The following ZBTB2 variants were observed in gnomAD, a reference collection of about 807,000 sequenced individuals.
ZBTB2 encodes the protein zinc finger and BTB domain containing 2, also known as zinc finger and BTB domain-containing protein 2.
A neutral mutation model predicts 39.5 loss-of-function variants in ZBTB2; 2 were observed. The ratio of observed to expected loss-of-function variants is 0.05; its 90% CI spans 0.02 to 0.16. The LOEUF (loss-of-function observed/expected upper bound fraction) is 0.16, where lower values mean the gene tolerates loss of function less well. ZBTB2 is among the 10% of genes least tolerant of loss of function. ZBTB2 has a pLI of 1.00. For synonymous variants in ZBTB2, 251 were observed against 256.6 expected, an observed-to-expected ratio of 0.98 and a Z score of 0.21; for missense variants, 391 against 653.0, an observed-to-expected ratio of 0.60 and a Z score of 4.37.
At chr6:151,374,655 C>T (rs1188421789) in intron 1 of ZBTB2, among the ~76,000 whole-genome samples, 2 of 151,712 alleles carry the variant, frequency 1.3e-5, no homozygotes, top group African/African-American at 4.8e-5. Context: ...TGTCCCCTCT[C>T]GATATTCAAC....
chr6:151,385,670 T>C (rs1232320184), intron 1 of ZBTB2, among the ~76,000 whole-genome samples: 4 of 152,202 alleles, frequency 2.6e-5, no homozygotes, highest in Non-Finnish European at 5.9e-5. Flanking sequence ...TAAATGAATA[T>C]TGTAATTCAA....
intron 2 of ZBTB2, among the ~76,000 whole-genome samples, chr6:151,371,934 G>A (rs541672078): frequency 3.4e-4 from 52 of 152,288 alleles, no homozygotes; most frequent in South Asian, 8.3e-4. Context: ...GAGGAACTTC[G>A]GAGAAGGCCT....
At chr6:151,377,623 C>T (rs1778943615) in intron 1 of ZBTB2, among the ~76,000 whole-genome samples, 1 of 147,146 alleles carries the variant, frequency 6.8e-6, no homozygotes, top group Admixed American at 6.7e-5. Flanking sequence ...ACACTGACAC[C>T]TCCGTTGCTG....
chr6:151,390,216 G>A (rs1483615826), intron 1 of ZBTB2, among the ~76,000 whole-genome samples: 1 of 151,596 alleles, frequency 6.6e-6, no homozygotes, highest in Non-Finnish European at 1.5e-5. Flanking sequence ...CAAGGGCGGC[G>A]CCACAGAGGC....
At chr6:151,375,751 T>C (rs1341299613) in intron 1 of ZBTB2, among the ~76,000 whole-genome samples, 3 of 152,084 alleles carry the variant, frequency 2.0e-5, no homozygotes, top group African/African-American at 7.2e-5. Flanking sequence ...GTATTTTTAG[T>C]AGAGATGGGG....
chr6:151,382,582 C>T (rs2114875415), intron 1 of ZBTB2, among the ~76,000 whole-genome samples: 1 of 145,606 alleles, frequency 6.9e-6, no homozygotes, highest in East Asian at 2.1e-4. Flanking sequence ...CAGAGTTTCG[C>T]TCTTGTTGCC....
At position 151,373,154 on chromosome 6, in the gene ZBTB2, C is replaced by CAAAAA. The variant is rs58019601; in HGVS notation, c.173+306_173+310dup. 5.0e-4 allele frequency among the ~76,000 whole-genome samples: 14 copies of CAAAAA among 27,854 alleles called. 1 individual carries two copies. Among genetic ancestry groups the CAAAAA allele is most frequent in the African/African-American group, 5.8e-4 (5 of 8,598 alleles). 18.3% of individuals were successfully genotyped at this position (27,854 alleles called of 152,430 possible). ...TAGGCGACAGAGAGAGACTCCGTCT[C>CAAAAA]AAAAAAAAAAAAAAAAAAAAAAAAA... On this transcript the variant is annotated intron_variant, in intron 2 of 2. Transcript: ENST00000325144.
chr6:151,386,547 C>A (rs905265386), intron 1 of ZBTB2, among the ~76,000 whole-genome samples: 6 of 152,128 alleles, frequency 3.9e-5, no homozygotes, highest in African/African-American at 9.7e-5. Flanking sequence ...ACAACAACAA[C>A]AAAAAACTGA....
chr6:151,384,957 C>T (rs542084901), intron 1 of ZBTB2, among the ~76,000 whole-genome samples: 1 of 152,134 alleles, frequency 6.6e-6, no homozygotes, highest in Admixed American at 6.5e-5. Context: ...TCTTACTGAT[C>T]GCAGTCACAA....
At chr6:151,370,644 C>T (rs1275897499) in intron 2 of ZBTB2, among the ~76,000 whole-genome samples, 1 of 152,184 alleles carries the variant, frequency 6.6e-6, no homozygotes, top group Admixed American at 6.5e-5. Flanking sequence ...AAGACAGGGA[C>T]ATCTAGTGGT....
intron 2 of ZBTB2, among the ~76,000 whole-genome samples, 168 bp from the exon 3 acceptor site, chr6:151,367,060 C>T (rs946391049): frequency 2.0e-5 from 3 of 151,666 alleles, no homozygotes; most frequent in Admixed American, 6.6e-5. Flanking sequence ...ACGAAGTTCA[C>T]GTTAAAGAAA....
At chr6:151,386,910 C>G (rs1437696534) in intron 1 of ZBTB2, among the ~76,000 whole-genome samples, 3 of 152,074 alleles carry the variant, frequency 2.0e-5, no homozygotes, top group Non-Finnish European at 2.9e-5. Context: ...TGTTAAAGTA[C>G]AGAACATTTT....
rs1225710987 is a variant in ZBTB2 at position 151,365,613 on chromosome 6, G to C, written c.1453C>G (p.Leu485Val). The C allele has an allele frequency of 3.1e-6, 5 of 1,614,130 alleles. No homozygotes were observed. The African/African-American group carries it at 5.3e-5, about 17-fold the overall frequency. Residue 485 changes from leucine (L) to valine (V), a missense_variant, in exon 3 of 3, where the codon CTC becomes GTC. Physicochemically the swap from Leu to Val is conservative, Grantham distance 32. Coordinates refer to ENST00000325144, the MANE Select transcript of ZBTB2 (RefSeq NM_020861.3). This position sits in a 1 kb window ranked among gnomAD's most constrained non-coding sequence, Gnocchi z 5.6. ...VFALDEGRSILLGSGDSEVTE... is the reference protein window; with the variant it reads ...VFALDEGRSIVLGSGDSEVTE... ...ACTTCCGAGTCCCCACTGCCCAGGAGAATGGATCGCCCTTCGTCTAGGGCA... is the reference window on the plus strand; with the variant it reads ...ACTTCCGAGTCCCCACTGCCCAGGACAATGGATCGCCCTTCGTCTAGGGCA...
intron 1 of ZBTB2, among the ~76,000 whole-genome samples, chr6:151,386,667 A>G (rs1779159957): frequency 6.6e-6 from 1 of 152,240 alleles, no homozygotes; most frequent in African/African-American, 2.4e-5. Flanking sequence ...TGTGTAGTTC[A>G]GGGTATATAA....
At position 151,371,978 on chromosome 6, in the gene ZBTB2, TA is replaced by T. The variant is rs548459020; in HGVS notation, c.173+1486del. Among the ~76,000 whole-genome samples the T allele has an allele frequency of 5.7e-4, 87 of 152,180 alleles. No homozygotes were observed. In the East Asian group the frequency reaches 9.5e-3, roughly 17 times the overall value. On this transcript the variant is annotated intron_variant, in intron 2 of 2. Transcript: ENST00000325144. Reference sequence around the variant, plus strand: ...ACATCCTCAAAGACACAAAAGGAGATACTCAACTCTAAATGCCCAGCACACA... The same window carrying T: ...ACATCCTCAAAGACACAAAAGGAGATCTCAACTCTAAATGCCCAGCACACA...
intron 1 of ZBTB2, among the ~76,000 whole-genome samples, chr6:151,390,457 C>T (rs1279322292): frequency 6.7e-6 from 1 of 150,138 alleles, no homozygotes; most frequent in Admixed American, 6.6e-5. Flanking sequence ...CGCGCGCTCG[C>T]CCCAAGTCCC....
chr6:151,380,322 G>A (rs1358549794), intron 1 of ZBTB2, among the ~76,000 whole-genome samples: 1 of 152,164 alleles, frequency 6.6e-6, no homozygotes, highest in Admixed American at 6.5e-5. Context: ...CTGAGGAAAT[G>A]GGGCAAAAGG....
chr6:151,369,670 T>C (rs1212898379), intron 2 of ZBTB2, among the ~76,000 whole-genome samples: 1 of 151,908 alleles, frequency 6.6e-6, no homozygotes, highest in African/African-American at 2.4e-5. Context: ...TGTGCACACA[T>C]ACACTTAAAA....
intron 2 of ZBTB2, among the ~76,000 whole-genome samples, chr6:151,367,520 G>A (rs1394777142): frequency 6.6e-6 from 1 of 151,834 alleles, no homozygotes; most frequent in Non-Finnish European, 1.5e-5. Context: ...GGGCTTTACA[G>A]GGATGCCTTC....
Sources: gnomAD v4.1 joint callset for allele counts (sites outside exome capture counted in the v4.1 genomes callset) on GRCh38, gnomAD v4.1.1 for gene constraint, Gnocchi (gnomAD v3.1) non-coding constraint, MANE v1.5 for transcripts, NCBI Gene and HGNC (gene_info 2026-07-23, HGNC 2026-07-21) for gene names.